ARHGAP22: variants seen among roughly 807,000 people sequenced by gnomAD.
ARHGAP22 encodes the protein Rho GTPase activating protein 22.
A neutral mutation model predicts 59.1 loss-of-function variants in ARHGAP22; 48 were observed. The observed-to-expected ratio is 0.81, with a 90% CI of 0.64 to 1.03. The LOEUF (loss-of-function observed/expected upper bound fraction) is 1.03, where lower values mean the gene tolerates loss of function less well. Among genes scored for constraint, ARHGAP22 ranks in the 50% least tolerant of loss-of-function variants. The pLI is 0.00. For missense variants in ARHGAP22, 1,015 were observed against 958.7 expected (o/e 1.06, Z -0.78); for synonymous variants, 445 against 416.4 (o/e 1.07, Z -0.84).
intron 5 of ARHGAP22, among the ~76,000 whole-genome samples, chr10:48,455,791 T>C (rs1213246898): frequency 6.6e-6 from 1 of 152,222 alleles, no homozygotes; most frequent in African/African-American, 2.4e-5. Context: ...GCGCCCACAA[T>C]GCAGGGCTGC....
chr10:48,522,215 C>A (rs2053868602), intron 3 of ARHGAP22, among the ~76,000 whole-genome samples: 1 of 152,244 alleles, frequency 6.6e-6, no homozygotes, highest in Non-Finnish European at 1.5e-5. Context: ...GCTCCCCACC[C>A]ACTTGGCCAG....
chr10:48,551,725 C>A (rs2135270249), intron 3 of ARHGAP22, among the ~76,000 whole-genome samples: 1 of 152,352 alleles, frequency 6.6e-6, no homozygotes, highest in East Asian at 1.9e-4. Context: ...CTAAAGCCCC[C>A]TTATAAGAGT....
intron 1 of ARHGAP22, among the ~76,000 whole-genome samples, chr10:48,651,280 A>G (rs999914834): frequency 1.3e-5 from 2 of 152,122 alleles, no homozygotes; most frequent in Admixed American, 6.5e-5. Flanking sequence ...CCAGTCCTGG[A>G]GGGGCTCAGG....
chr10:48,637,835 C>A (rs1488709102), intron 1 of ARHGAP22, among the ~76,000 whole-genome samples: 1 of 152,194 alleles, frequency 6.6e-6, no homozygotes. Flanking sequence ...CCCCTCCCAA[C>A]AAGGATGTCT....
intron 4 of ARHGAP22, 59 bp from the exon 5 acceptor site, chr10:48,459,950 A>T: frequency 6.6e-7 from 1 of 1,513,634 alleles, no homozygotes; most frequent in Non-Finnish European, 9.0e-7. Flanking sequence ...TTGGGTGCTC[A>T]GGACAATGGA....
intron 8 of ARHGAP22, among the ~76,000 whole-genome samples, chr10:48,452,240 C>A (rs550952776): frequency 6.6e-6 from 1 of 152,320 alleles, no homozygotes; most frequent in Non-Finnish European, 1.5e-5. Context: ...CTGCCACCCT[C>A]ACCACAAAGG....
the ARHGAP22 span, chr10:48,436,719 T>G: frequency 6.6e-6 from 1 of 152,234 alleles, no homozygotes; most frequent in African/African-American, 2.4e-5. Flanking sequence ...TAAAATACAT[T>G]AGCTTTTTTA....
At chr10:48,457,410 G>A (rs2046648976) in intron 5 of ARHGAP22, among the ~76,000 whole-genome samples, 1 of 152,152 alleles carries the variant, frequency 6.6e-6, no homozygotes, top group African/African-American at 2.4e-5. Flanking sequence ...CCCGGGACTG[G>A]TGTCCCTGGT....
chr10:48,494,161 C>T (rs900505032), intron 3 of ARHGAP22, among the ~76,000 whole-genome samples: 9 of 134,994 alleles, frequency 6.7e-5, no homozygotes, highest in Non-Finnish European at 1.1e-4. Context: ...CTAAGGTAGA[C>T]ACATGGTCTG....
At chr10:48,546,889 G>A (rs1397978266) in intron 3 of ARHGAP22, among the ~76,000 whole-genome samples, 1 of 152,166 alleles carries the variant, frequency 6.6e-6, no homozygotes, top group Non-Finnish European at 1.5e-5. Flanking sequence ...GCCAGGATCT[G>A]GGTTCTCAGT....
intron 4 of ARHGAP22, among the ~76,000 whole-genome samples, chr10:48,462,247 G>A (rs536441054): frequency 8.5e-6 from 1 of 117,262 alleles, no homozygotes; most frequent in South Asian, 3.5e-4. Flanking sequence ...ACACTTCGGG[G>A]TGGGGGGGGG....
intron 3 of ARHGAP22, among the ~76,000 whole-genome samples, chr10:48,494,743 T>C (rs1232381176): frequency 6.6e-6 from 1 of 152,184 alleles, no homozygotes; most frequent in Non-Finnish European, 1.5e-5. Context: ...GTTCTTGGAA[T>C]AAAACCCAAC....
the ARHGAP22 span, chr10:48,435,491 CAATGA>C: frequency 6.6e-6 from 1 of 152,340 alleles, no homozygotes; most frequent in Non-Finnish European, 1.5e-5. Context: ...ATGTGCTTAT[CAATGA>C]AATAACCCCA....
intron 5 of ARHGAP22, among the ~76,000 whole-genome samples, chr10:48,458,945 G>A (rs2046853967): frequency 6.6e-6 from 1 of 152,168 alleles, no homozygotes; most frequent in Non-Finnish European, 1.5e-5. Context: ...CAGAGGAGAA[G>A]CCCTGGGAGG....
At chr10:48,482,694 G>A (rs1483695783) in intron 3 of ARHGAP22, among the ~76,000 whole-genome samples, 1 of 152,142 alleles carries the variant, frequency 6.6e-6, no homozygotes, top group Non-Finnish European at 1.5e-5. Flanking sequence ...TGGAGTACAT[G>A]TGATGTTTTG....
intron 1 of ARHGAP22, among the ~76,000 whole-genome samples, chr10:48,648,655 A>G (rs894264960): frequency 1.3e-5 from 2 of 152,164 alleles, no homozygotes; most frequent in Non-Finnish European, 2.9e-5. Flanking sequence ...AGTCTGAAAG[A>G]GGTGAGTCTG....
intron 1 of ARHGAP22, among the ~76,000 whole-genome samples, chr10:48,640,506 G>A (rs572653060): frequency 7.9e-5 from 12 of 152,196 alleles, no homozygotes; most frequent in Non-Finnish European, 1.0e-4. Context: ...ATGAAAGGGA[G>A]TACTGATGCA....
intron 3 of ARHGAP22, among the ~76,000 whole-genome samples, chr10:48,500,505 T>G (rs2051399813): frequency 6.6e-6 from 1 of 151,990 alleles, no homozygotes; most frequent in Admixed American, 6.6e-5. Context: ...CTCTAATAAA[T>G]GGGATAGGGA....
At chr10:48,438,339 T>A in the ARHGAP22 span, 1 of 152,232 alleles carries the variant, frequency 6.6e-6, no homozygotes, top group South Asian at 2.1e-4. Flanking sequence ...AGGAAACTAA[T>A]TTTTCCTTAA....
Sources: allele counts gnomAD v4.1 joint callset (sites outside exome capture counted in the v4.1 genomes callset), GRCh38; gene constraint gnomAD v4.1.1; transcripts MANE v1.5; gene names NCBI Gene and HGNC (gene_info 2026-07-23, HGNC 2026-07-21).